STAT4: variants seen among roughly 807,000 people sequenced by gnomAD.
STAT4 encodes the protein signal transducer and activator of transcription 4.
A neutral mutation model predicts 110.5 loss-of-function variants in STAT4; 42 were observed. The observed-to-expected ratio is 0.38, with a 90% CI of 0.30 to 0.49. The LOEUF is 0.49. Among genes scored for constraint, STAT4 ranks in the 20% least tolerant of loss-of-function variants. The pLI is 0.95. For synonymous variants in STAT4, 284 were observed against 302.2 expected, an observed-to-expected ratio of 0.94 and a Z score of 0.63; for missense variants, 632 against 887.9, an observed-to-expected ratio of 0.71 and a Z score of 3.66.
In STAT4 at chr2:191,082,823, C is replaced by T. The variant is rs905526535; in HGVS notation, c.274-6498G>A. 1.3e-5 allele frequency among the ~76,000 whole-genome samples: 2 copies of T among 152,160 alleles called. No homozygotes were observed. The highest frequency in any genetic ancestry group is 6.5e-5 in the Admixed American group (1 of 15,272). ...TTCAAAATAATCTTCTTCATACAGG[C>T]GACATGGAGCCTGAAACTTCACAAT... is the stretch of plus-strand genomic sequence containing the variant. On this transcript the variant is annotated intron_variant, in intron 3 of 23. Coordinates refer to ENST00000392320, the MANE Select transcript of STAT4 (RefSeq NM_003151.4). The surrounding 1 kb of genome is among the most constrained non-coding windows in gnomAD (Gnocchi z 4.7).
chr2:191,149,817 T>TA (rs1260923477), intron 1 of STAT4, among the ~76,000 whole-genome samples: 2 of 152,192 alleles, frequency 1.3e-5, no homozygotes, highest in African/African-American at 4.8e-5. Context: ...GAGTTGAAAA[T>TA]AGCATTACAG....
At chr2:191,038,611 T>C (rs1696107009) in intron 16 of STAT4, among the ~76,000 whole-genome samples, 1 of 152,212 alleles carries the variant, frequency 6.6e-6, no homozygotes, top group Admixed American at 6.5e-5. Flanking sequence ...CTCCCTTCCC[T>C]GGTTGTCTTA....
rs1362657524 is a variant in STAT4, at chr2:191,117,562, G to T, written c.273+29051C>A. ...GTTGTTTGGACACTAAGTGCTGTGG[G>T]AGTGCAGAGGAGAGAAAACTCGATG... On this transcript the variant is annotated intron_variant, in intron 3 of 23. Transcript: ENST00000392320. The surrounding 1 kb of genome is among the most constrained non-coding windows in gnomAD (Gnocchi z 5.2). Among the ~76,000 whole-genome samples the T allele has an allele frequency of 6.6e-6, 1 of 152,154 alleles. No individual in the cohort carries two copies. The highest frequency in any genetic ancestry group is 1.5e-5 in the Non-Finnish European group (1 of 68,046).
intron 3 of STAT4, among the ~76,000 whole-genome samples, chr2:191,137,953 G>T (rs534273020): frequency 6.6e-6 from 1 of 152,132 alleles, no homozygotes; most frequent in African/African-American, 2.4e-5. Flanking sequence ...TCTAGGCAAA[G>T]ATTTTATGCT....
At position 191,042,975 on chromosome 2, in the gene STAT4, C is replaced by A. The variant is rs1394765765; in HGVS notation, c.1252-1827G>T. Reference sequence around the variant, plus strand: ...TGTATTTTTAGTAGAGATGGGGTTTCTCCATGTTGGTCAAGCTGGGCTCGA... The same window carrying A: ...TGTATTTTTAGTAGAGATGGGGTTTATCCATGTTGGTCAAGCTGGGCTCGA... On this transcript the variant is annotated intron_variant, in intron 14 of 23. Coordinates refer to ENST00000392320, the MANE Select transcript of STAT4 (RefSeq NM_003151.4). The surrounding 1 kb of genome is among the most constrained non-coding windows in gnomAD (Gnocchi z 4.2). 6.6e-6 allele frequency among the ~76,000 whole-genome samples: 1 copy of A among 152,146 alleles called. No homozygotes were observed. Among genetic ancestry groups the A allele is most frequent in the Admixed American group, 6.5e-5 (1 of 15,276 alleles).
chr2:191,047,797 C>T (rs1220154189), intron 14 of STAT4, among the ~76,000 whole-genome samples: 1 of 152,202 alleles, frequency 6.6e-6, no homozygotes, highest in Admixed American at 6.5e-5. Context: ...TCCTGAGTAG[C>T]TGGGACTATG....
chr2:191,127,433 A>G (rs763549532), intron 3 of STAT4, among the ~76,000 whole-genome samples: 2 of 152,152 alleles, frequency 1.3e-5, no homozygotes, highest in Non-Finnish European at 2.9e-5. Context: ...TAACCAACCC[A>G]TGTGTTTCTA....
Position 191,107,561 on chromosome 2 carries a change from G to A in STAT4, c.274-31236C>T, listed in dbSNP as rs1698315021. Reference sequence around the variant, plus strand: ...AAAATCATGTTGCTAATAAATCTGAGGCAGGGTTTTAACCCCAGGTATCTG... The same window carrying A: ...AAAATCATGTTGCTAATAAATCTGAAGCAGGGTTTTAACCCCAGGTATCTG... On this transcript the variant is annotated intron_variant, in intron 3 of 23. Transcript: ENST00000392320. The surrounding 1 kb of genome is among the most constrained non-coding windows in gnomAD (Gnocchi z 4.2). Among the ~76,000 whole-genome samples the A allele has an allele frequency of 6.6e-6, 1 of 152,184 alleles. No homozygotes were observed. The highest frequency in any genetic ancestry group is 2.4e-5 in the African/African-American group (1 of 41,436).
At position 191,090,088 on chromosome 2, in the gene STAT4, A is replaced by G. The variant is rs1178133282; in HGVS notation, c.274-13763T>C. On this transcript the variant is annotated intron_variant, in intron 3 of 23. Transcript: ENST00000392320. The surrounding 1 kb of genome is among the most constrained non-coding windows in gnomAD (Gnocchi z 4.2). ...AATAATATAATATTGTAATAATATAAAATTGTAACAAGTACATCACACTAA... is the reference window on the plus strand; with the variant it reads ...AATAATATAATATTGTAATAATATAGAATTGTAACAAGTACATCACACTAA... Among the ~76,000 whole-genome samples the G allele has an allele frequency of 6.6e-6, 1 of 152,150 alleles. No individual in the cohort carries two copies. Among genetic ancestry groups the G allele is most frequent in the Admixed American group, 6.5e-5 (1 of 15,274 alleles).
In STAT4 at chr2:191,058,266, A is replaced by G. The variant is rs746380027; in HGVS notation, c.1095-47T>C. 3.1e-5 allele frequency: 47 copies of G among 1,511,850 alleles called. No individual in the cohort carries two copies. The highest frequency in any genetic ancestry group is 4.2e-5 in the Non-Finnish European group (46 of 1,098,032). The allele number at this position is 1,511,850 out of a possible 1,614,324, so 93.7% of individuals were successfully genotyped here. On this transcript the variant is annotated intron_variant, in intron 11 of 23. Coordinates refer to ENST00000392320, the MANE Select transcript of STAT4 (RefSeq NM_003151.4). This position sits in a 1 kb window ranked among gnomAD's most constrained non-coding sequence, Gnocchi z 4.3. ...TTAAAACAAGCTATTTAATAGATCT[A>G]GGAATAACTTTCTATGATAGTTTAT...
chr2:191,093,259 C>A (rs567230226), intron 3 of STAT4, among the ~76,000 whole-genome samples: 57 of 152,340 alleles, frequency 3.7e-4, no homozygotes, highest in African/African-American at 1.3e-3. Context: ...GGATCCCTGA[C>A]CCCTGTGTAG....
Position 191,029,914 on chromosome 2 carries a change from A to G in STAT4, c.2221-48T>C. 7.0e-7 allele frequency: 1 copy of G among 1,422,434 alleles called. No homozygotes were observed. The highest frequency in any genetic ancestry group is 9.7e-7 in the Non-Finnish European group (1 of 1,026,722). The allele number at this position is 1,422,434 out of a possible 1,614,324, so 88.1% of individuals were successfully genotyped here. A position where few individuals can be genotyped will look rare whatever the true frequency, so the allele number is the denominator to read the frequency against. ...TCTTTGAGGAAACTACTGGTTTTCA[A>G]ATCAATCACTATTTCTTGGGCAAAT... On this transcript the variant is annotated intron_variant, in intron 23 of 23. Transcript: ENST00000392320. The surrounding 1 kb of genome is among the most constrained non-coding windows in gnomAD (Gnocchi z 4.5).
At chr2:191,038,806 T>C (rs1290262800) in intron 16 of STAT4, among the ~76,000 whole-genome samples, 2 of 152,196 alleles carry the variant, frequency 1.3e-5, no homozygotes, top group African/African-American at 4.8e-5. Flanking sequence ...CTTACTTACT[T>C]GGAAACCAAT....
chr2:191,124,255 G>C (rs1698816806), intron 3 of STAT4, among the ~76,000 whole-genome samples: 1 of 152,062 alleles, frequency 6.6e-6, no homozygotes, highest in South Asian at 2.1e-4. Context: ...AAGAGATGGA[G>C]ACCATCCTGG....
At chr2:191,125,700 T>C (rs1420125193) in intron 3 of STAT4, among the ~76,000 whole-genome samples, 1 of 151,896 alleles carries the variant, frequency 6.6e-6, no homozygotes, top group Non-Finnish European at 1.5e-5. Flanking sequence ...CCCAGTCTGG[T>C]CTTGAACTCC....
Position 191,033,260 on chromosome 2 carries a change from G to T in STAT4, c.1853-111C>A. On this transcript the variant is annotated intron_variant, in intron 20 of 23. Coordinates refer to ENST00000392320, the MANE Select transcript of STAT4 (RefSeq NM_003151.4). The surrounding 1 kb of genome is among the most constrained non-coding windows in gnomAD (Gnocchi z 6.9). ...CCACTGGAGTGACTTGTCAGTTCAT[G>T]TCACTTCAATGTCAGACCTTCTGCT... The T allele has an allele frequency of 8.0e-7, 1 of 1,250,678 alleles. No homozygotes were observed. Among genetic ancestry groups the T allele is most frequent in the Non-Finnish European group, 1.1e-6 (1 of 905,496 alleles). The allele number at this position is 1,250,678 out of a possible 1,614,324, so 77.5% of individuals were successfully genotyped here. A position where few individuals can be genotyped will look rare whatever the true frequency, so the allele number is the denominator to read the frequency against.
rs925337244 is a variant in STAT4, at chr2:191,142,822, G to A, written c.273+3791C>T. Among the ~76,000 whole-genome samples, 1 of 152,088 alleles carries A rather than the reference G, an allele frequency of 6.6e-6. No individual in the cohort carries two copies. ...AGTGTTCAGGGGCTCCGTGGGAAGC[G>A]AGAGAAGGATGAATATTGGAGAGGA... On this transcript the variant is annotated intron_variant, in intron 3 of 23. Transcript: ENST00000392320. This position sits in a 1 kb window ranked among gnomAD's most constrained non-coding sequence, Gnocchi z 4.1.
chr2:191,100,876 G>A (rs1482412259), intron 3 of STAT4, among the ~76,000 whole-genome samples: 1 of 151,974 alleles, frequency 6.6e-6, no homozygotes, highest in East Asian at 1.9e-4. Context: ...TCAGCAGCAT[G>A]TCAACAGGCT....
In STAT4 at chr2:191,061,044, AAAGT is replaced by A. The variant is rs1309307133; in HGVS notation, c.1034+681_1034+684del. On this transcript the variant is annotated intron_variant, in intron 10 of 23. Transcript: ENST00000392320. The surrounding 1 kb of genome is among the most constrained non-coding windows in gnomAD (Gnocchi z 6.2). ...GTTTCAGGCATGATGAGAACCTTTG[AAAGT>A]AAGAACTCAAACTCATTGTTCTCAG... Among the ~76,000 whole-genome samples, 5 of 152,190 alleles carry A rather than the reference AAAGT, an allele frequency of 3.3e-5. No individual in the cohort carries two copies. Among genetic ancestry groups the A allele is most frequent in the Admixed American group, 2.6e-4 (4 of 15,268 alleles).
Sources: allele counts gnomAD v4.1 joint callset (sites outside exome capture counted in the v4.1 genomes callset), GRCh38; gene constraint gnomAD v4.1.1; non-coding constraint Gnocchi (gnomAD v3.1); transcripts MANE v1.5; gene names NCBI Gene and HGNC (gene_info 2026-07-23, HGNC 2026-07-21).